The following ADAM12 variants were observed in gnomAD, a reference collection of about 807,000 sequenced individuals.
The protein encoded by ADAM12 is disintegrin and metalloproteinase domain-containing protein 12.
Under a neutral mutation model 106.4 loss-of-function variants are expected in ADAM12, and 70 were observed. That is an observed-to-expected ratio of 0.66 (90% CI 0.54 to 0.80). ADAM12 has a LOEUF of 0.80. ADAM12 is among the 30% of genes least tolerant of loss of function. The pLI is 0.00. For synonymous variants in ADAM12, 420 were observed against 433.5 expected (o/e 0.97, Z 0.39); for missense variants, 1,010 against 1,171.9 (o/e 0.86, Z 2.02).
intron 21 of ADAM12, among the ~76,000 whole-genome samples, chr10:126,020,879 G>A (rs1953752415): frequency 1.3e-5 from 2 of 151,204 alleles, no homozygotes; most frequent in Non-Finnish European, 2.9e-5. Flanking sequence ...GTAATCCCAG[G>A]CTACGCAGGA....
chr10:126,383,867 C>A (rs187892815), intron 1 of ADAM12, among the ~76,000 whole-genome samples: 2 of 152,272 alleles, frequency 1.3e-5, no homozygotes, highest in African/African-American at 4.8e-5. Context: ...TTGTTTGAAG[C>A]AGCAATGTAC....
intron 3 of ADAM12, among the ~76,000 whole-genome samples, chr10:126,158,686 C>T (rs1265676819): frequency 1.4e-5 from 2 of 138,576 alleles, no homozygotes; most frequent in Non-Finnish European, 3.1e-5. Context: ...AGAGGATGCA[C>T]AGAGCACAGG....
intron 1 of ADAM12, among the ~76,000 whole-genome samples, chr10:126,353,654 T>A (rs1243589674): frequency 3.3e-5 from 5 of 152,224 alleles, no homozygotes; most frequent in African/African-American, 1.2e-4. Context: ...GCAAAATAAA[T>A]AAGAGATTTA....
intron 3 of ADAM12, among the ~76,000 whole-genome samples, chr10:126,168,198 G>A (rs974299134): frequency 6.6e-6 from 1 of 152,160 alleles, no homozygotes; most frequent in Non-Finnish European, 1.5e-5. Context: ...TCCTGGATCC[G>A]AAAGACTTTC....
At chr10:126,051,453 C>T (rs1434147584) in intron 14 of ADAM12, among the ~76,000 whole-genome samples, 1 of 151,792 alleles carries the variant, frequency 6.6e-6, no homozygotes, top group East Asian at 1.9e-4. Context: ...AGCCAGCCAC[C>T]CAGCCACCCG....
intron 1 of ADAM12, among the ~76,000 whole-genome samples, chr10:126,368,838 TA>T (rs1564760652): frequency 4.6e-5 from 7 of 152,142 alleles, no homozygotes; most frequent in African/African-American, 2.4e-5. Context: ...ACCAGATCAC[TA>T]AATGCTAGCT....
At chr10:126,172,046 T>G (rs769441319) in intron 3 of ADAM12, among the ~76,000 whole-genome samples, 2 of 152,204 alleles carry the variant, frequency 1.3e-5, no homozygotes, top group African/African-American at 4.8e-5. Flanking sequence ...TAATTTATAA[T>G]GATCAGCCTC....
chr10:126,196,898 A>C (rs1590603330), intron 3 of ADAM12, among the ~76,000 whole-genome samples: 2 of 152,208 alleles, frequency 1.3e-5, no homozygotes, highest in East Asian at 3.8e-4. Flanking sequence ...TCAGTCAGGG[A>C]AAATCAGGGA....
At chr10:126,326,040 A>C (rs1229484194) in intron 2 of ADAM12, among the ~76,000 whole-genome samples, 1 of 152,178 alleles carries the variant, frequency 6.6e-6, no homozygotes, top group Non-Finnish European at 1.5e-5. Context: ...TTGATTTGGA[A>C]AGGACATTCT....
At position 126,249,343 on chromosome 10, in the gene ADAM12, G is replaced by A. The variant is rs74430517; in HGVS notation, c.260+29572C>T. On this transcript the variant is annotated intron_variant, in intron 3 of 22. Coordinates refer to ENST00000448723, the MANE Select transcript of ADAM12 (RefSeq NM_001288973.2). ...GTCTAGGTGGGGGTTGGTGGTGATG[G>A]GGAGTGCATTTATGTCTGTGAGGGG... is the stretch of plus-strand genomic sequence containing the variant. Among the ~76,000 whole-genome samples, 1,478 of 152,270 alleles carry A rather than the reference G, an allele frequency of 9.7e-3. 42 individuals carry two copies. The East Asian group carries it at 0.12, about 12-fold the overall frequency.
intron 5 of ADAM12, among the ~76,000 whole-genome samples, chr10:126,123,077 T>C (rs973251961): frequency 6.6e-6 from 1 of 152,234 alleles, no homozygotes; most frequent in African/African-American, 2.4e-5. Flanking sequence ...ATGAAGGCCT[T>C]CCCTTTACTG....
At chr10:126,113,348 G>A (rs1415590095) in intron 6 of ADAM12, among the ~76,000 whole-genome samples, 1 of 151,976 alleles carries the variant, frequency 6.6e-6, no homozygotes, top group African/African-American at 2.4e-5. Context: ...GAGCATGGGG[G>A]CCTTGAATGT....
intron 11 of ADAM12, among the ~76,000 whole-genome samples, chr10:126,081,919 T>C (rs1013436361): frequency 6.6e-6 from 1 of 152,212 alleles, no homozygotes; most frequent in Non-Finnish European, 1.5e-5. Flanking sequence ...TAGAGCACGC[T>C]TTACACTGTA....
chr10:126,300,345 G>T (rs562720066), intron 2 of ADAM12, among the ~76,000 whole-genome samples: 148 of 152,222 alleles, frequency 9.7e-4, no homozygotes, highest in African/African-American at 3.2e-3. Flanking sequence ...TAAACAGGGG[G>T]GAAGAGGCCA....
At chr10:126,378,591 C>T (rs951865703) in intron 1 of ADAM12, among the ~76,000 whole-genome samples, 13 of 152,122 alleles carry the variant, frequency 8.5e-5, no homozygotes, top group East Asian at 3.9e-4. Flanking sequence ...TACACACACA[C>T]GAACCAACCA....
At chr10:126,372,010 C>A (rs1856128533) in intron 1 of ADAM12, among the ~76,000 whole-genome samples, 1 of 152,210 alleles carries the variant, frequency 6.6e-6, no homozygotes. Flanking sequence ...ATTATTAACA[C>A]AATCTCAAAT....
At chr10:126,189,158 G>T (rs542256838) in intron 3 of ADAM12, among the ~76,000 whole-genome samples, 1 of 152,326 alleles carries the variant, frequency 6.6e-6, no homozygotes, top group South Asian at 2.1e-4. Context: ...ATGAAGGAAG[G>T]TCCCACAGAC....
intron 3 of ADAM12, among the ~76,000 whole-genome samples, chr10:126,204,682 A>G (rs889898249): frequency 6.6e-6 from 1 of 152,230 alleles, no homozygotes; most frequent in Non-Finnish European, 1.5e-5. Context: ...ATAGCAGAGC[A>G]TTAAACCAAC....
chr10:126,312,131 G>A (rs1188286622), intron 2 of ADAM12, among the ~76,000 whole-genome samples: 11 of 123,994 alleles, frequency 8.9e-5, no homozygotes, highest in Non-Finnish European at 8.2e-5. Context: ...GGTTGGTGTG[G>A]AAAAAAAAAA....
Sources: gnomAD v4.1 joint callset for allele counts (sites outside exome capture counted in the v4.1 genomes callset) on GRCh38, gnomAD v4.1.1 for gene constraint, MANE v1.5 for transcripts, NCBI Gene and HGNC (gene_info 2026-07-23, HGNC 2026-07-21) for gene names.